TFAP2E: variants seen among roughly 807,000 people sequenced by gnomAD.
The protein encoded by TFAP2E is transcription factor AP-2 epsilon.
Under a neutral mutation model 37.9 loss-of-function variants are expected in TFAP2E, and 30 were observed. That is an observed-to-expected ratio of 0.79 (90% CI 0.59 to 1.07). The LOEUF (loss-of-function observed/expected upper bound fraction) is 1.07. TFAP2E is among the 50% of genes least tolerant of loss of function. TFAP2E has a pLI of 0.00. For synonymous variants in TFAP2E, 318 were observed against 295.8 expected (o/e 1.08, Z -0.77); for missense variants, 567 against 637.9 (o/e 0.89, Z 1.20).
In TFAP2E at chr1:35,577,345, G is replaced by A. The variant is rs1320811568; in HGVS notation, c.562+2345G>A. On this transcript the variant is annotated intron_variant, in intron 3 of 6. Coordinates refer to ENST00000373235, the MANE Select transcript of TFAP2E (RefSeq NM_178548.4). This position sits in a 1 kb window ranked among gnomAD's most constrained non-coding sequence, Gnocchi z 6.3. ...ACCTTGGCCCTCCGCGGTCACTGCGGGATTCGGCGTTGCCGCCAGCCCAGT... is the reference window on the plus strand; with the variant it reads ...ACCTTGGCCCTCCGCGGTCACTGCGAGATTCGGCGTTGCCGCCAGCCCAGT... The A allele has an allele frequency of 1.1e-5, 5 of 456,718 alleles. No individual in the cohort carries two copies. The highest frequency in any genetic ancestry group is 1.3e-5 in the Non-Finnish European group (3 of 226,938). The allele number at this position is 456,718 out of a possible 1,614,324, so 28.3% of individuals were successfully genotyped here.
chr1:35,576,507 G>A (rs975683034), intron 3 of TFAP2E, among the ~76,000 whole-genome samples: 3 of 152,170 alleles, frequency 2.0e-5, no homozygotes, highest in Non-Finnish European at 4.4e-5. Flanking sequence ...ATATGAGCAT[G>A]GTGGTGGTCC....
At chr1:35,595,591 A>C (rs1557441308), downstream of TFAP2E, among the ~76,000 whole-genome samples, 3 of 152,062 alleles carry the variant, frequency 2.0e-5, no homozygotes, top group Non-Finnish European at 2.9e-5. Flanking sequence ...CTTTCATTGG[A>C]TATGAAGCCC....
chr1:35,583,008 T>C (rs908517010), intron 3 of TFAP2E, among the ~76,000 whole-genome samples: 2 of 152,094 alleles, frequency 1.3e-5, no homozygotes, highest in Non-Finnish European at 2.9e-5. Flanking sequence ...GTTCAAGCGA[T>C]TCTCCTGCCT....
chr1:35,587,653 A>AG (rs1553121943), intron 3 of TFAP2E, among the ~76,000 whole-genome samples: 33 of 147,780 alleles, frequency 2.2e-4, no homozygotes, highest in South Asian at 6.5e-4. Context: ...AAAAAAAAAA[A>AG]AAAGAAAGAA....
rs1649069253 is a variant in TFAP2E, at chr1:35,573,502, C to A, written c.-76C>A. The stretch of plus-strand genomic sequence containing the variant: ...CTCCGCGGGCTGTGCCGGCTCCCGG[C>A]GCCTCTGCCCGCAGCGCTCGCCGTC... On this transcript the variant is annotated 5_prime_UTR_variant, in exon 1 of 7. Transcript: ENST00000373235. This position sits in a 1 kb window ranked among gnomAD's most constrained non-coding sequence, Gnocchi z 5.9. The A allele has an allele frequency of 2.0e-5, 28 of 1,406,412 alleles. No individual in the cohort carries two copies. The highest frequency in any genetic ancestry group is 2.5e-5 in the Non-Finnish European group (27 of 1,084,158). 87.1% of individuals were successfully genotyped at this position (1,406,412 alleles called of 1,614,324 possible).
In TFAP2E at chr1:35,573,536, G is replaced by C. The variant is rs549736977; in HGVS notation, c.-42G>C. ...CCGCAGCGCTCGCCGTCGGGCTAGGGCTCCGCCGCCGCCACGCCTCGCGCC... is the reference window on the plus strand; with the variant it reads ...CCGCAGCGCTCGCCGTCGGGCTAGGCCTCCGCCGCCGCCACGCCTCGCGCC... On this transcript the variant is annotated 5_prime_UTR_variant, in exon 1 of 7. Coordinates refer to ENST00000373235, the MANE Select transcript of TFAP2E (RefSeq NM_178548.4). This position sits in a 1 kb window ranked among gnomAD's most constrained non-coding sequence, Gnocchi z 5.9. The C allele has an allele frequency of 1.3e-6, 2 of 1,509,966 alleles. No homozygotes were observed. Among genetic ancestry groups the C allele is most frequent in the Non-Finnish European group, 8.8e-7 (1 of 1,130,266 alleles). 93.5% of individuals were successfully genotyped at this position (1,509,966 alleles called of 1,614,324 possible).
At chr1:35,575,900 G>A (rs1454094488) in intron 3 of TFAP2E, among the ~76,000 whole-genome samples, 2 of 152,164 alleles carry the variant, frequency 1.3e-5, no homozygotes, top group African/African-American at 2.4e-5. Context: ...TCTGGCCTGA[G>A]GACCAAGTAC....
At chr1:35,580,269 G>T (rs1218359080) in intron 3 of TFAP2E, among the ~76,000 whole-genome samples, 2 of 152,150 alleles carry the variant, frequency 1.3e-5, no homozygotes, top group Non-Finnish European at 2.9e-5. Context: ...TTAATCGGCA[G>T]GTCCCAGCAG....
intron 6 of TFAP2E, among the ~76,000 whole-genome samples, chr1:35,591,812 G>A (rs561210568): frequency 4.6e-5 from 7 of 152,174 alleles, no homozygotes; most frequent in South Asian, 2.1e-4. Flanking sequence ...TCAGCCTCCC[G>A]AGTAGCTGGG....
At chr1:35,575,109 TC>T in intron 3 of TFAP2E, 109 bp downstream of exon 3, 1 of 1,392,750 alleles carries the variant, frequency 7.2e-7, no homozygotes, top group Non-Finnish European at 1.0e-6. Context: ...AGGCTGGGTG[TC>T]CACCAGGCAC....
At chr1:35,583,099 C>T (rs1317875908) in intron 3 of TFAP2E, among the ~76,000 whole-genome samples, 1 of 152,032 alleles carries the variant, frequency 6.6e-6, no homozygotes, top group African/African-American at 2.4e-5. Flanking sequence ...GACAGTTTCA[C>T]CATGTTGGCC....
chr1:35,574,626 C>G (rs1215038636), intron 2 of TFAP2E: 2 of 801,138 alleles, frequency 2.5e-6, no homozygotes, highest in South Asian at 4.0e-5. Context: ...TGGGTGGCAG[C>G]AACCCTCGGC....
At chr1:35,592,809 C>T (rs1193872199) in intron 6 of TFAP2E, among the ~76,000 whole-genome samples, 1 of 152,130 alleles carries the variant, frequency 6.6e-6, no homozygotes, top group African/African-American at 2.4e-5. Context: ...GCTGTGTGTC[C>T]TCACATTGTA....
At position 35,588,647 on chromosome 1, in the gene TFAP2E, C is replaced by G. The variant is rs1649560985; in HGVS notation, c.785+95C>G. On this transcript the variant is annotated intron_variant, in intron 4 of 6. Transcript: ENST00000373235. This position sits in a 1 kb window ranked among gnomAD's most constrained non-coding sequence, Gnocchi z 5.1. ...AGAGAGGAGGCCAGTCTCACCTAGG[C>G]CCTCTGCCTCAGTCTCCCTGGGAGG... 7.8e-7 allele frequency: 1 copy of G among 1,284,564 alleles called. No individual in the cohort carries two copies. Among genetic ancestry groups the G allele is most frequent in the African/African-American group, 1.5e-5 (1 of 67,728 alleles). The allele number at this position is 1,284,564 out of a possible 1,614,324, so 79.6% of individuals were successfully genotyped here. A position where few individuals can be genotyped will look rare whatever the true frequency, so the allele number is the denominator to read the frequency against.
At chr1:35,593,640 C>T (rs990347504) in intron 6 of TFAP2E, among the ~76,000 whole-genome samples, 1 of 152,206 alleles carries the variant, frequency 6.6e-6, no homozygotes, top group African/African-American at 2.4e-5. Context: ...CTAGCCAGGA[C>T]GGGGCTCACC....
Position 35,590,043 on chromosome 1 carries a change from T to A in TFAP2E, c.899T>A (p.Val300Glu). The A allele has an allele frequency of 6.2e-7, 1 of 1,613,750 alleles. No homozygotes were observed. ...AANVTLLTSL[V>E]EGEAVHLARD... ...AATGTGACGCTGCTGACTTCGCTAG[T>A]GGAAGGTGAGTGAGGCCTGAAGGTG... is the stretch of plus-strand genomic sequence containing the variant. Residue 300 changes from valine to glutamate, a missense_variant, in exon 5 of 7, where the codon GTG (valine) becomes GAG (glutamate). Around this residue, in one of 3 missense-constraint regions of TFAP2E, gnomAD observed 252 missense variants for 302.6 expected, o/e 0.83. Transcript: ENST00000373235. The surrounding 1 kb of genome is among the most constrained non-coding windows in gnomAD (Gnocchi z 6.2).
At position 35,594,574 on chromosome 1, in the gene TFAP2E, G is replaced by A. The variant is rs1210220290; in HGVS notation, c.1227G>A (p.Leu409=). Residue 409 remains leucine, a synonymous_variant, in exon 7 of 7, where the codon TTG becomes TTA. Coordinates refer to ENST00000373235, the MANE Select transcript of TFAP2E (RefSeq NM_178548.4). ...CCCTCACTGCCTTCCAGAACTATTT[G>A]CTGGAGTCACTCAAGGGGCTGGACA... ...CAALTAFQNY[L]LESLKGLDKM... is the part of the protein sequence containing the mutation. The A allele has an allele frequency of 2.5e-6, 4 of 1,614,094 alleles. No individual in the cohort carries two copies. Among genetic ancestry groups the A allele is most frequent in the South Asian group, 1.1e-5 (1 of 91,082 alleles).
In TFAP2E at chr1:35,574,006, C is replaced by T; in HGVS notation, c.107C>T (p.Pro36Leu). The change falls in exon 2 of 7, where the codon CCC becomes CTC. Residue 36 changes from proline (P) to leucine (L), a missense_variant. This residue lies in a region of TFAP2E where 312 missense variants were observed against 317.4 expected (regional missense o/e 0.98). Coordinates refer to ENST00000373235, the MANE Select transcript of TFAP2E (RefSeq NM_178548.4). ...SLPQAAYGPA[P>L]PLCHTPAATA... Reference sequence around the variant, plus strand: ...CCCCAGGCGGCCTACGGGCCGGCGCCCCCGCTCTGCCACACGCCGGCCGCC... The same window carrying T: ...CCCCAGGCGGCCTACGGGCCGGCGCTCCCGCTCTGCCACACGCCGGCCGCC... The T allele has an allele frequency of 2.0e-6, 3 of 1,488,730 alleles. No individual in the cohort carries two copies. The highest frequency in any genetic ancestry group is 1.8e-6 in the Non-Finnish European group (2 of 1,126,976). The allele number at this position is 1,488,730 out of a possible 1,614,324, so 92.2% of individuals were successfully genotyped here.
In TFAP2E at chr1:35,573,619, G is replaced by A. The variant is rs1649074668; in HGVS notation, c.27+15G>A. On this transcript the variant is annotated intron_variant, in intron 1 of 6. Transcript: ENST00000373235. This position sits in a 1 kb window ranked among gnomAD's most constrained non-coding sequence, Gnocchi z 5.9. ...ACTCCGCCATGGTGAGTAGTCTCGG[G>A]CCCGGGACATATTCGGCCGGGGGAT... is the stretch of plus-strand genomic sequence containing the variant. 3 of 1,539,046 alleles carry A rather than the reference G, an allele frequency of 1.9e-6. No homozygotes were observed. The Admixed American group carries it at 6.0e-5, about 31-fold the overall frequency.
Sources: allele counts gnomAD v4.1 joint callset (sites outside exome capture counted in the v4.1 genomes callset), GRCh38; gene constraint gnomAD v4.1.1; regional missense constraint gnomAD v4.1.1; non-coding constraint Gnocchi (gnomAD v3.1); transcripts MANE v1.5; gene names NCBI Gene and HGNC (gene_info 2026-07-23, HGNC 2026-07-21).